FEM1C: variants seen among roughly 807,000 people sequenced by gnomAD.
FEM1C encodes the protein fem-1 homolog C, also known as protein fem-1 homolog C.
A neutral mutation model predicts 37.6 loss-of-function variants in FEM1C; 15 were observed. That is an observed-to-expected ratio of 0.40 (90% confidence interval 0.27 to 0.61). The LOEUF is 0.61. FEM1C is among the 20% of genes least tolerant of loss of function. The probability of loss-of-function intolerance (pLI) is 0.42; values close to 1 mark genes in which losing one functional copy is unlikely to be tolerated. For synonymous variants in FEM1C, 287 were observed against 272.8 expected (o/e 1.05, Z -0.51); for missense variants, 532 against 749.7 (o/e 0.71, Z 3.39).
Position 115,524,590 on chromosome 5 carries a change from T to C in FEM1C, c.1572A>G (p.Arg524=). The part of the protein sequence containing the change: ...LIECGADVNV[R]DSDDNSPLHI... ...GCAGGGGACTGTTGTCATCCGAGTC[T>C]CTGACGTTCACATCAGCACCACATT... The change falls in exon 3 of 3, where the codon AGA becomes AGG. Residue 524 remains arginine, a synonymous_variant. Coordinates refer to ENST00000274457, the MANE Select transcript of FEM1C (RefSeq NM_020177.3). 6.2e-7 allele frequency: 1 copy of C among 1,612,024 alleles called. No homozygotes were observed. The highest frequency in any genetic ancestry group is 1.1e-5 in the South Asian group (1 of 90,728).
rs531268889 is a variant in FEM1C, at chr5:115,543,074, A to G, written c.420T>C (p.Ala140=). 3.7e-6 allele frequency: 6 copies of G among 1,614,134 alleles called. No homozygotes were observed. The highest frequency in any genetic ancestry group is 5.1e-6 in the Non-Finnish European group (6 of 1,180,046). ...CATGTCGGTTTGACACTTCCAAATC[A>G]GCTTTGTGTTCTACAAGGTACTTCA... is the stretch of plus-strand genomic sequence containing the variant. ...EIVKYLVEHK[A]DLEVSNRHGH... Residue 140 remains alanine, a synonymous_variant, in exon 2 of 3, where the codon GCT becomes GCC. Coordinates refer to ENST00000274457, the MANE Select transcript of FEM1C (RefSeq NM_020177.3).
At chr5:115,532,270 C>T (rs1285091444) in intron 2 of FEM1C, among the ~76,000 whole-genome samples, 1 of 152,036 alleles carries the variant, frequency 6.6e-6, no homozygotes, top group Non-Finnish European at 1.5e-5. Flanking sequence ...TATACAGATC[C>T]TATATTTCTT....
chr5:115,526,817 T>C (rs753214998), intron 2 of FEM1C, among the ~76,000 whole-genome samples: 13 of 152,114 alleles, frequency 8.5e-5, no homozygotes, highest in African/African-American at 9.7e-5. Flanking sequence ...GATCTAAAAC[T>C]TTCCCTAAAT....
intron 2 of FEM1C, among the ~76,000 whole-genome samples, chr5:115,532,376 C>T (rs1754034629): frequency 6.6e-6 from 1 of 152,016 alleles, no homozygotes; most frequent in Admixed American, 6.6e-5. Flanking sequence ...TTAGCTTTTG[C>T]AGACAAAATA....
At position 115,525,334 on chromosome 5, in the gene FEM1C, C is replaced by T. The variant is rs770164336; in HGVS notation, c.828G>A (p.Arg276=). The part of the protein sequence containing the change: ...LKYWKKAMNM[R]YSDRTNIISK... ...TAATAATATTAGTCCTATCACTGTACCTCATGTTCATTGCCTTTTTCCAGT... is the reference window on the plus strand; with the variant it reads ...TAATAATATTAGTCCTATCACTGTATCTCATGTTCATTGCCTTTTTCCAGT... The change falls in exon 3 of 3, where the codon AGG becomes AGA. Residue 276 remains arginine, a synonymous_variant. Transcript: ENST00000274457. The T allele has an allele frequency of 1.9e-6, 3 of 1,613,684 alleles. No homozygotes were observed. Among genetic ancestry groups the T allele is most frequent in the South Asian group, 2.2e-5 (2 of 91,072 alleles).
Position 115,543,287 on chromosome 5 carries a change from T to A in FEM1C, c.207A>T (p.Glu69Asp). 1 of 1,614,214 alleles carries A rather than the reference T, an allele frequency of 6.2e-7. No homozygotes were observed. Among genetic ancestry groups the A allele is most frequent in the Non-Finnish European group, 8.5e-7 (1 of 1,180,036 alleles). The change falls in exon 2 of 3, where the codon GAA becomes GAT. Residue 69 changes from glutamate to aspartate, a missense_variant. By Grantham distance (45) the Glu-to-Asp change is conservative. This residue lies in a region of FEM1C where 74 missense variants were observed against 85.0 expected (regional missense o/e 0.87). Transcript: ENST00000274457. Reference sequence around the variant, plus strand: ...CATCAAAATTGACGGAGCCCCCAACTTCTATGGAGGCACTGCATTGCTCTA... The same window carrying A: ...CATCAAAATTGACGGAGCCCCCAACATCTATGGAGGCACTGCATTGCTCTA... ...FLLEQCSASI[E>D]VGGSVNFDGE...
intron 2 of FEM1C, among the ~76,000 whole-genome samples, chr5:115,534,837 G>A (rs973165767): frequency 5.3e-5 from 8 of 151,866 alleles, no homozygotes; most frequent in African/African-American, 1.9e-4. Context: ...CATCTAGGCT[G>A]GATCCAAGTG....
chr5:115,540,411 C>A (rs991086595), intron 2 of FEM1C, among the ~76,000 whole-genome samples: 2 of 151,788 alleles, frequency 1.3e-5, no homozygotes. Context: ...GTTGAGGTTA[C>A]GAGAAAACAA....
chr5:115,527,717 A>C (rs181061614), intron 2 of FEM1C, among the ~76,000 whole-genome samples: 74 of 152,200 alleles, frequency 4.9e-4, no homozygotes, highest in Admixed American at 1.2e-3. Flanking sequence ...ATGTAGCAAA[A>C]GCTGGCCAGG....
rs148102531 is a variant in FEM1C, at chr5:115,525,094, T to C, written c.1068A>G (p.Arg356=). The change falls in exon 3 of 3, where the codon CGA becomes CGG. Residue 356 remains arginine (R), a synonymous_variant. Transcript: ENST00000274457. ...AAGCATACTTCCATAGGTTGATGCA[T>C]CGTTTGAAATTTCCAGAGTCTGCAT... ...AVYADSGNFK[R]CINLWKYALD... is the part of the protein sequence containing the mutation. 2.3e-5 allele frequency: 37 copies of C among 1,613,718 alleles called. No individual in the cohort carries two copies. Among genetic ancestry groups the C allele is most frequent in the Non-Finnish European group, 2.9e-5 (34 of 1,179,856 alleles).
rs1753872919 is a variant in FEM1C at position 115,525,553 on chromosome 5, C to T, written c.609G>A (p.Met203Ile). The stretch of plus-strand genomic sequence containing the variant: ...CATCCTTTTCCATCTTGGCACAATA[C>T]ATAAGAAGCATCTTCATGATGTCCA... ...GSLDIMKMLL[M>I]YCAKMEKDGY... Residue 203 changes from methionine (M) to isoleucine (I), a missense_variant, in exon 3 of 3, where the codon ATG becomes ATA. Around this residue, in one of 3 missense-constraint regions of FEM1C, gnomAD observed 221 missense variants for 404.1 expected, o/e 0.55. Transcript: ENST00000274457. 6.2e-7 allele frequency: 1 copy of T among 1,613,442 alleles called. No homozygotes were observed. Among genetic ancestry groups the T allele is most frequent in the Non-Finnish European group, 8.5e-7 (1 of 1,179,756 alleles).
chr5:115,543,448 G>A lies in FEM1C; in HGVS notation c.46C>T (p.Leu16Phe). ...AVFNAARDGK[L>F]RLLTKLLASK... The stretch of plus-strand genomic sequence containing the variant: ...GCCAACAATTTGGTGAGAAGCCGGA[G>A]TTTGCCATCCCGAGCTGCGTTAAAT... The change falls in exon 2 of 3, where the codon CTC becomes TTC. Residue 16 changes from leucine to phenylalanine, a missense_variant. Physicochemically the swap from Leu to Phe is conservative, Grantham distance 22. Transcript: ENST00000274457. 1 of 1,613,910 alleles carries A rather than the reference G, an allele frequency of 6.2e-7. No individual in the cohort carries two copies. Among genetic ancestry groups the A allele is most frequent in the Non-Finnish European group, 8.5e-7 (1 of 1,179,972 alleles).
chr5:115,529,235 C>T (rs1008434005), intron 2 of FEM1C, among the ~76,000 whole-genome samples: 10 of 104,360 alleles, frequency 9.6e-5, no homozygotes, highest in African/African-American at 3.0e-4. Context: ...AAGAAAAACA[C>T]ATTGACATAC....
At position 115,543,570 on chromosome 5, in the gene FEM1C, G is replaced by C; in HGVS notation, c.-77C>G. ...AGTTTAACTCTATCGACACAGGCAA[G>C]AGTCACAGGAACCAAAGTCCAATGT... is the stretch of plus-strand genomic sequence containing the variant. On this transcript the variant is annotated 5_prime_UTR_variant, in exon 2 of 3. Transcript: ENST00000274457. 1.3e-6 allele frequency: 2 copies of C among 1,510,718 alleles called. No individual in the cohort carries two copies. Among genetic ancestry groups the C allele is most frequent in the Admixed American group, 2.2e-5 (1 of 45,090 alleles). 93.6% of individuals were successfully genotyped at this position (1,510,718 alleles called of 1,614,324 possible).
At position 115,524,892 on chromosome 5, in the gene FEM1C, G is replaced by C; in HGVS notation, c.1270C>G (p.Arg424Gly). The C allele has an allele frequency of 1.2e-6, 2 of 1,613,694 alleles. No homozygotes were observed. Among genetic ancestry groups the C allele is most frequent in the Non-Finnish European group, 1.7e-6 (2 of 1,179,812 alleles). ...ILCKSVLEIE[R>G]AIKQTQCPAD... ...GGACACTGAGTTTGTTTGATAGCTC[G>C]CTCTATTTCAAGGACGCTTTTGCAA... Residue 424 changes from arginine (R) to glycine (G), a missense_variant, in exon 3 of 3, where the codon CGA (arginine) becomes GGA (glycine). Transcript: ENST00000274457.
chr5:115,533,706 G>T (rs764276443), intron 2 of FEM1C, among the ~76,000 whole-genome samples: 3 of 151,588 alleles, frequency 2.0e-5, no homozygotes, highest in African/African-American at 7.3e-5. Flanking sequence ...TCTTCTTTTC[G>T]CATTCTCAGA....
In FEM1C at chr5:115,544,678, C is replaced by G. The variant is rs1389077768; in HGVS notation, c.-346G>C. ...GCTCCGCGCCCCAAAGGAATGAATC[C>G]GGCCGCGCTGTTCGCCACGCCCCGC... On this transcript the variant is annotated 5_prime_UTR_variant, in exon 1 of 3. Transcript: ENST00000274457. 6.5e-6 allele frequency: 1 copy of G among 153,122 alleles called. No homozygotes were observed. The highest frequency in any genetic ancestry group is 1.5e-5 in the Non-Finnish European group (1 of 68,762). 9.5% of individuals were successfully genotyped at this position (153,122 alleles called of 1,614,324 possible).
At position 115,524,388 on chromosome 5, in the gene FEM1C, G is replaced by A. The variant is rs905891658; in HGVS notation, c.1774C>T (p.Arg592Cys). The change falls in exon 3 of 3, where the codon CGT becomes TGT. Residue 592 changes from arginine (R) to cysteine (C), a missense_variant. By Grantham distance (180) the Arg-to-Cys change is radical. Around this residue, in one of 3 missense-constraint regions of FEM1C, gnomAD observed 237 missense variants for 260.5 expected, o/e 0.91. Transcript: ENST00000274457. ...NHTTLQCLAA[R>C]VIVNHRIYYK... ...TATATTCTATGATTCACTATGACAC[G>A]AGCAGCAAGACACTGCAATGTGGTA... The A allele has an allele frequency of 4.3e-6, 7 of 1,613,330 alleles. No individual in the cohort carries two copies. The highest frequency in any genetic ancestry group is 1.7e-5 in the Admixed American group (1 of 59,858).
chr5:115,533,868 A>G (rs1412125557), intron 2 of FEM1C, among the ~76,000 whole-genome samples: 1 of 150,008 alleles, frequency 6.7e-6, no homozygotes, highest in Non-Finnish European at 1.5e-5. Context: ...AAAACATATT[A>G]TATTAAACAA....
Sources: allele counts gnomAD v4.1 joint callset (sites outside exome capture counted in the v4.1 genomes callset), GRCh38; gene constraint gnomAD v4.1.1; regional missense constraint gnomAD v4.1.1; transcripts MANE v1.5; gene names NCBI Gene and HGNC (gene_info 2026-07-23, HGNC 2026-07-21).